Variants in PKN2 observed in about 807,000 individuals in gnomAD.
The protein encoded by PKN2 is serine/threonine-protein kinase N2.
Under a neutral mutation model 119.1 loss-of-function variants are expected in PKN2, and 38 were observed. That is an observed-to-expected ratio of 0.32 (90% CI 0.25 to 0.42). The LOEUF is 0.42. Among genes scored for constraint, PKN2 ranks in the 10% least tolerant of loss-of-function variants. PKN2 has a pLI of 1.00. For missense variants in PKN2, 850 were observed against 1,165.1 expected (o/e 0.73, Z 3.94); for synonymous variants, 390 against 384.9 (o/e 1.01, Z -0.15).
chr1:88,701,322 T>C (rs1334276491), intron 1 of PKN2, among the ~76,000 whole-genome samples: 3 of 152,202 alleles, frequency 2.0e-5, no homozygotes, highest in Non-Finnish European at 4.4e-5. Context: ...CAGGTGCCTA[T>C]AATCCCAGCT....
At chr1:88,699,109 C>T (rs1023079923) in intron 1 of PKN2, among the ~76,000 whole-genome samples, 3 of 151,672 alleles carry the variant, frequency 2.0e-5, no homozygotes, top group African/African-American at 7.3e-5. Context: ...TCTTTTTCTC[C>T]CTGACCCCTC....
chr1:88,709,530 A>G (rs765249073), intron 1 of PKN2, among the ~76,000 whole-genome samples: 4 of 152,200 alleles, frequency 2.6e-5, no homozygotes, highest in African/African-American at 7.2e-5. Context: ...TACAATCCCA[A>G]ATCACCATTA....
rs971212204 is a variant in PKN2, at chr1:88,832,729, A to G, written c.2563-15A>G. 1 of 1,458,582 alleles carries G rather than the reference A, an allele frequency of 6.9e-7. No homozygotes were observed. Among genetic ancestry groups the G allele is most frequent in the East Asian group, 2.3e-5 (1 of 43,910 alleles). 90.4% of individuals were successfully genotyped at this position (1,458,582 alleles called of 1,614,324 possible). A position where few individuals can be genotyped will look rare whatever the true frequency, so the allele number is the denominator to read the frequency against. On this transcript the variant is annotated splice_polypyrimidine_tract_variant and intron_variant, in intron 19 of 21. Transcript: ENST00000370521. ...TTAAAACTTGCTTTAACTTACTCAA[A>G]GGTATTTCTTCTAGTCTCCCTTTCC...
chr1:88,793,223 A>G (rs986637600), intron 8 of PKN2, among the ~76,000 whole-genome samples: 1 of 152,196 alleles, frequency 6.6e-6, no homozygotes, highest in Admixed American at 6.6e-5. Context: ...TGTAAGTTTG[A>G]TAAATTCTAA....
At chr1:88,779,734 T>TA (rs1670257577) in intron 6 of PKN2, among the ~76,000 whole-genome samples, 1 of 152,226 alleles carries the variant, frequency 6.6e-6, no homozygotes, top group African/African-American at 2.4e-5. Context: ...TTCCGGTTGT[T>TA]AAAGAGTATC....
intron 1 of PKN2, among the ~76,000 whole-genome samples, chr1:88,716,524 A>G (rs1210995318): frequency 6.6e-6 from 1 of 152,112 alleles, no homozygotes; most frequent in African/African-American, 2.4e-5. Context: ...TTTTTGTTGA[A>G]TTGATCCCTT....
intron 16 of PKN2, among the ~76,000 whole-genome samples, 190 bp downstream of exon 16, chr1:88,813,923 G>A (rs919933407): frequency 2.6e-5 from 4 of 152,116 alleles, no homozygotes; most frequent in Admixed American, 6.5e-5. Flanking sequence ...TGTTGAAAAT[G>A]TCATGGATTG....
At chr1:88,721,406 A>G (rs1667677197) in intron 1 of PKN2, among the ~76,000 whole-genome samples, 3 of 152,162 alleles carry the variant, frequency 2.0e-5, no homozygotes, top group Non-Finnish European at 1.5e-5. Flanking sequence ...ATTGGTTAGT[A>G]ATAGGTATAC....
intron 1 of PKN2, among the ~76,000 whole-genome samples, chr1:88,702,324 A>G (rs1666808297): frequency 6.6e-6 from 1 of 152,204 alleles, no homozygotes; most frequent in African/African-American, 2.4e-5. Context: ...AGAGGAAAAG[A>G]TGTTCAAGGA....
In PKN2 at chr1:88,833,419, G is replaced by A; in HGVS notation, c.2926G>A (p.Asp976Asn). Residue 976 changes from aspartate to asparagine, a missense_variant, in exon 22 of 22, where the codon GAT becomes AAT. Around this residue, in one of 9 missense-constraint regions of PKN2, gnomAD observed 52 missense variants for 39.9 expected, o/e 1.30. Coordinates refer to ENST00000370521, the MANE Select transcript of PKN2 (RefSeq NM_006256.4). ...GGAAGAGGAGCAGGAAATGTTCAGA[G>A]ATTTTGACTACATTGCTGATTGGTG... ...LSEEEQEMFR[D>N]FDYIADWC 1 of 1,613,296 alleles carries A rather than the reference G, an allele frequency of 6.2e-7. No homozygotes were observed. Among genetic ancestry groups the A allele is most frequent in the Non-Finnish European group, 8.5e-7 (1 of 1,179,378 alleles).
intron 1 of PKN2, among the ~76,000 whole-genome samples, chr1:88,729,812 T>A (rs1668061114): frequency 6.6e-6 from 1 of 150,794 alleles, no homozygotes. Flanking sequence ...CATGTTGCCC[T>A]GCCTCCCTTG....
chr1:88,708,723 C>T (rs561612466), intron 1 of PKN2, among the ~76,000 whole-genome samples: 1 of 150,778 alleles, frequency 6.6e-6, no homozygotes, highest in Non-Finnish European at 1.5e-5. Flanking sequence ...CGGCCTCCCA[C>T]AGTGCTGGCA....
intron 3 of PKN2, among the ~76,000 whole-genome samples, chr1:88,763,550 T>C (rs1050173672): frequency 7.1e-6 from 1 of 140,316 alleles, no homozygotes; most frequent in Admixed American, 8.0e-5. Context: ...GAGGTTGTGG[T>C]GAGCCAAGAT....
At chr1:88,756,813 G>C (rs1669223959) in intron 2 of PKN2, among the ~76,000 whole-genome samples, 1 of 152,074 alleles carries the variant, frequency 6.6e-6, no homozygotes, top group Admixed American at 6.6e-5. Flanking sequence ...AATATTTATT[G>C]CATATTTACT....
chr1:88,824,159 G>C (rs185836391), intron 17 of PKN2, 151 bp from the exon 18 acceptor site: 4 of 552,204 alleles, frequency 7.2e-6, no homozygotes, highest in Non-Finnish European at 1.3e-5. Context: ...GAATGTTTGT[G>C]TTATAGTATT....
At chr1:88,792,684 C>T (rs971233732) in intron 8 of PKN2, among the ~76,000 whole-genome samples, 1 of 152,200 alleles carries the variant, frequency 6.6e-6, no homozygotes, top group African/African-American at 2.4e-5. Context: ...GTCTTAGCTG[C>T]AGCAGCAGCT....
rs370404203 is a variant in PKN2 at position 88,806,624 on chromosome 1, G to A, written c.1803+607G>A. ...GGCTGCTTAAACTAGAGGTAATATA[G>A]GAGTGTGGTTGATACTACATGACAT... On this transcript the variant is annotated intron_variant, in intron 12 of 21. Transcript: ENST00000370521. Among the ~76,000 whole-genome samples the A allele has an allele frequency of 1.5e-4, 23 of 152,294 alleles. 1 individual carries two copies. The East Asian group carries it at 2.5e-3, about 17-fold the overall frequency.
At chr1:88,830,079 C>T (rs1036368805) in intron 19 of PKN2, among the ~76,000 whole-genome samples, 6 of 152,086 alleles carry the variant, frequency 3.9e-5, no homozygotes, top group African/African-American at 1.4e-4. Context: ...CAGTACTGAT[C>T]TTCTGCCCAT....
In PKN2 at chr1:88,684,300, T is replaced by C; in HGVS notation, c.-281T>C. 2.6e-6 allele frequency: 1 copy of C among 377,710 alleles called. No individual in the cohort carries two copies. Among genetic ancestry groups the C allele is most frequent in the Admixed American group, 4.7e-5 (1 of 21,298 alleles). 23.4% of individuals were successfully genotyped at this position (377,710 alleles called of 1,614,324 possible). ...GGCCGCAGCGCCCGCACGGAGAGGC[T>C]TGAGGCGGCTCCTGGCGTCGCCCAG... On this transcript the variant is annotated 5_prime_UTR_variant, in exon 1 of 22. Coordinates refer to ENST00000370521, the MANE Select transcript of PKN2 (RefSeq NM_006256.4).
Sources: gnomAD v4.1 joint callset for allele counts (sites outside exome capture counted in the v4.1 genomes callset) on GRCh38, gnomAD v4.1.1 for gene constraint, gnomAD v4.1.1 regional missense constraint, MANE v1.5 for transcripts, NCBI Gene and HGNC (gene_info 2026-07-23, HGNC 2026-07-21) for gene names.